Variants in RHOH observed in about 807,000 individuals in gnomAD.
RHOH encodes rho-related GTP-binding protein RhoH.
A neutral mutation model predicts 13.8 loss-of-function variants in RHOH; 6 were observed. The observed-to-expected ratio is 0.44, with a 90% CI of 0.24 to 0.86. The LOEUF (loss-of-function observed/expected upper bound fraction) is 0.86. Among genes scored for constraint, RHOH ranks in the 40% least tolerant of loss-of-function variants. The probability of loss-of-function intolerance (pLI) is 0.24; values close to 1 mark genes in which losing one functional copy is unlikely to be tolerated. For missense variants in RHOH, 147 were observed against 244.5 expected, an observed-to-expected ratio of 0.60 and a Z score of 2.66; for synonymous variants, 117 against 103.0, an observed-to-expected ratio of 1.14 and a Z score of -0.82.
chr4:40,197,466 T>C (rs1437353593), intron 1 of RHOH, among the ~76,000 whole-genome samples, 166 bp downstream of exon 1: 1 of 152,210 alleles, frequency 6.6e-6, no homozygotes, highest in African/African-American at 2.4e-5. Context: ...TGAGTGTTGC[T>C]TTGATATTCA....
chr4:40,199,921 G>A (rs1723738750), intron 1 of RHOH, among the ~76,000 whole-genome samples: 1 of 152,150 alleles, frequency 6.6e-6, no homozygotes, highest in South Asian at 2.1e-4. Context: ...AATCCACCTG[G>A]CATGTTAATT....
At position 40,239,970 on chromosome 4, in the gene RHOH, A is replaced by G. The variant is rs143720916; in HGVS notation, c.-330-2744A>G. ...ATACAGATATAATATTATTACATTGATTTTACAGAGGAGGAAACTGAGGCT... is the reference window on the plus strand; with the variant it reads ...ATACAGATATAATATTATTACATTGGTTTTACAGAGGAGGAAACTGAGGCT... On this transcript the variant is annotated intron_variant, in intron 1 of 2. Coordinates refer to ENST00000381799, the MANE Select transcript of RHOH (RefSeq NM_004310.5). 1.8e-4 allele frequency among the ~76,000 whole-genome samples: 28 copies of G among 152,300 alleles called. No individual in the cohort carries two copies. The East Asian group carries it at 4.2e-3, about 23-fold the overall frequency.
At chr4:40,240,515 G>T (rs775894324) in intron 1 of RHOH, among the ~76,000 whole-genome samples, 1 of 152,126 alleles carries the variant, frequency 6.6e-6, no homozygotes, top group African/African-American at 2.4e-5. Flanking sequence ...GGTGACTCAC[G>T]CCTGTAATCC....
At chr4:40,225,718 T>C (rs1370766419) in intron 1 of RHOH, among the ~76,000 whole-genome samples, 1 of 152,052 alleles carries the variant, frequency 6.6e-6, no homozygotes, top group East Asian at 1.9e-4. Flanking sequence ...AGCAGAAAAA[T>C]GTATTTCCGG....
intron 1 of RHOH, among the ~76,000 whole-genome samples, chr4:40,201,671 C>T (rs371694349): frequency 3.4e-4 from 51 of 150,900 alleles, no homozygotes; most frequent in African/African-American, 9.7e-4. Flanking sequence ...TTTTTCGGGG[C>T]GGGGGGCAAG....
chr4:40,191,462 C>G (rs1040988299), upstream of RHOH: 1 of 152,280 alleles, frequency 6.6e-6, no homozygotes, highest in African/African-American at 2.4e-5. Context: ...GGTCTAAATG[C>G]ACTTTGACTC....
At chr4:40,206,515 AG>A (rs1158794878) in intron 1 of RHOH, among the ~76,000 whole-genome samples, 12 of 152,186 alleles carry the variant, frequency 7.9e-5, no homozygotes, top group Non-Finnish European at 1.2e-4. Context: ...GGGGCCTAAA[AG>A]TCCCCTTTGG....
chr4:40,206,654 T>C (rs901082292), intron 1 of RHOH, among the ~76,000 whole-genome samples: 4 of 152,146 alleles, frequency 2.6e-5, no homozygotes, highest in Admixed American at 1.3e-4. Flanking sequence ...GAGAGAGGGT[T>C]GGAGGCACGT....
At chr4:40,211,965 A>G (rs887482320) in intron 1 of RHOH, among the ~76,000 whole-genome samples, 3 of 152,204 alleles carry the variant, frequency 2.0e-5, no homozygotes, top group Admixed American at 1.3e-4. Context: ...GTATTCCTCC[A>G]GCTGGACTAT....
intron 1 of RHOH, among the ~76,000 whole-genome samples, chr4:40,204,708 A>T (rs1724434138): frequency 6.6e-6 from 1 of 152,212 alleles, no homozygotes; most frequent in African/African-American, 2.4e-5. Flanking sequence ...TAAAGACAGA[A>T]ATGCTGCTTC....
intron 1 of RHOH, among the ~76,000 whole-genome samples, chr4:40,225,976 T>C (rs1727179050): frequency 6.6e-6 from 1 of 152,312 alleles, no homozygotes; most frequent in South Asian, 2.1e-4. Context: ...AAAAATGATA[T>C]TGACCACATG....
At chr4:40,200,028 T>C (rs888418181) in intron 1 of RHOH, among the ~76,000 whole-genome samples, 20 of 152,256 alleles carry the variant, frequency 1.3e-4, no homozygotes, top group African/African-American at 4.6e-4. Context: ...GAGGAGACTC[T>C]GGAGCTTTGT....
chr4:40,223,767 G>GTTTTTTTTTT (rs56144023), intron 1 of RHOH, among the ~76,000 whole-genome samples: 1 of 83,932 alleles, frequency 1.2e-5, no homozygotes, highest in African/African-American at 5.0e-5. Flanking sequence ...AACATAACTT[G>GTTTTTTTTTT]TTTTTTTTTT....
At chr4:40,212,782 G>A (rs2109409231) in intron 1 of RHOH, 1 of 152,350 alleles carries the variant, frequency 6.6e-6, no homozygotes, top group Admixed American at 6.5e-5. Flanking sequence ...ATGTAAGCAG[G>A]GACCTTCTGG....
At chr4:40,194,462 C>G (rs563086171), upstream of RHOH, among the ~76,000 whole-genome samples, 104 of 152,284 alleles carry the variant, frequency 6.8e-4, 1 homozygote, top group South Asian at 0.021. Flanking sequence ...CTCCTGACCT[C>G]AAGCGATCTG....
chr4:40,196,486 TCG>T (rs1723145973), upstream of RHOH, among the ~76,000 whole-genome samples: 2 of 152,192 alleles, frequency 1.3e-5, no homozygotes, highest in Non-Finnish European at 2.9e-5. Context: ...GCCCAGGTGC[TCG>T]TCCATACAGG....
At chr4:40,231,971 T>C (rs1354065728) in intron 1 of RHOH, among the ~76,000 whole-genome samples, 2 of 152,252 alleles carry the variant, frequency 1.3e-5, no homozygotes, top group Non-Finnish European at 2.9e-5. Context: ...TTAAGGGTCA[T>C]GTTCTAATAC....
At chr4:40,242,091 AC>A (rs1258028728) in intron 1 of RHOH, among the ~76,000 whole-genome samples, 1 of 152,164 alleles carries the variant, frequency 6.6e-6, no homozygotes, top group Non-Finnish European at 1.5e-5. Context: ...GGTCTGAAAG[AC>A]TTTTCCTTCG....
rs1223743896 is a variant in RHOH at position 40,223,419 on chromosome 4, T to C, written c.-330-19295T>C. Among the ~76,000 whole-genome samples the C allele has an allele frequency of 5.3e-5, 8 of 151,176 alleles. No homozygotes were observed. In the East Asian group the frequency reaches 1.4e-3, roughly 26 times the overall value. On this transcript the variant is annotated intron_variant, in intron 1 of 2. Transcript: ENST00000381799. ...CCTGATCAATTGGCAGCCATCAACA[T>C]TGAGGCAAAAAGATTAGGACTTGCT...
Sources: gnomAD v4.1 joint callset for allele counts (sites outside exome capture counted in the v4.1 genomes callset) on GRCh38, gnomAD v4.1.1 for gene constraint, MANE v1.5 for transcripts, NCBI Gene and HGNC (gene_info 2026-07-23, HGNC 2026-07-21) for gene names.